The following TRIM67 variants were observed in gnomAD, a reference collection of about 807,000 sequenced individuals.
TRIM67 encodes the protein tripartite motif containing 67.
A neutral mutation model predicts 71.0 loss-of-function variants in TRIM67; 39 were observed. The ratio of observed to expected loss-of-function variants is 0.55; its 90% CI spans 0.43 to 0.72. TRIM67 has a LOEUF of 0.72. Among genes scored for constraint, TRIM67 ranks in the 30% least tolerant of loss-of-function variants. The pLI, the probability that TRIM67 is intolerant of heterozygous loss-of-function variation, is 0.00. For missense variants in TRIM67, 973 were observed against 1,079.2 expected (o/e 0.90, Z 1.38); for synonymous variants, 481 against 473.9 (o/e 1.01, Z -0.19).
At chr1:231,165,128 A>G (rs1336018076) in intron 1 of TRIM67, among the ~76,000 whole-genome samples, 3 of 152,134 alleles carry the variant, frequency 2.0e-5, no homozygotes, top group Admixed American at 6.5e-5. Context: ...GGACATTTTT[A>G]GTTATCACAC....
In TRIM67 at chr1:231,206,661, G is replaced by A. The variant is rs771442314; in HGVS notation, c.1690G>A (p.Val564Ile). 2.7e-5 allele frequency: 44 copies of A among 1,602,144 alleles called. No homozygotes were observed. Among genetic ancestry groups the A allele is most frequent in the African/African-American group, 9.4e-5 (7 of 74,482 alleles). The stretch of plus-strand genomic sequence containing the variant: ...CATTGCTCTCTTTCAGGAAGTGTAC[G>A]TCGGTAAGGAGACTTTGTGTACCAT... ...GAGGQFREVYVGKETLCTIDG... is the reference protein window; with the variant it reads ...GAGGQFREVYIGKETLCTIDG... Residue 564 changes from valine to isoleucine, a missense_variant, in exon 7 of 10, where the codon GTC becomes ATC. By Grantham distance (29) the Val-to-Ile change is conservative. Transcript: ENST00000366653.
chr1:231,173,349 C>A (rs536042092), intron 1 of TRIM67, among the ~76,000 whole-genome samples: 12 of 152,226 alleles, frequency 7.9e-5, no homozygotes, highest in African/African-American at 2.6e-4. Context: ...GGGTTCAAAA[C>A]CAGCCAGGGT....
chr1:231,208,859 G>A, intron 7 of TRIM67, 88 bp from the exon 8 acceptor site: 1 of 1,338,740 alleles, frequency 7.5e-7, no homozygotes, highest in Non-Finnish European at 1.0e-6. Context: ...TCTAACAGAA[G>A]CGAATGTGTT....
intron 8 of TRIM67, among the ~76,000 whole-genome samples, chr1:231,213,176 C>A (rs1045127157): frequency 2.0e-5 from 3 of 152,134 alleles, no homozygotes; most frequent in African/African-American, 7.2e-5. Flanking sequence ...GGAAAAGGTG[C>A]CTTTCTTACC....
At chr1:231,175,950 G>A (rs549284306) in intron 1 of TRIM67, among the ~76,000 whole-genome samples, 14 of 152,312 alleles carry the variant, frequency 9.2e-5, no homozygotes, top group African/African-American at 3.1e-4. Context: ...AAAGCAAGGA[G>A]GATCTGTATT....
intron 8 of TRIM67, among the ~76,000 whole-genome samples, chr1:231,210,425 C>T (rs1317216187): frequency 1.3e-5 from 2 of 151,756 alleles, no homozygotes; most frequent in Non-Finnish European, 2.9e-5. Context: ...ACCCCATCTG[C>T]TTGCCTCTTT....
Position 231,172,046 on chromosome 1 carries a change from C to T in TRIM67, c.1044+8033C>T, listed in dbSNP as rs144973880. ...AGGCTGTGGTGTGCTATGATTGCAG[C>T]GCTGCACTCTAGCCTGGGCAACAGA... On this transcript the variant is annotated intron_variant, in intron 1 of 9. Transcript: ENST00000366653. Among the ~76,000 whole-genome samples, 134 of 152,238 alleles carry T rather than the reference C, an allele frequency of 8.8e-4. No homozygotes were observed. The East Asian group carries it at 0.02, about 23-fold the overall frequency.
chr1:231,216,905 T>C lies in TRIM67; in HGVS notation c.*1465T>C. 1 of 985,546 alleles carries C rather than the reference T, an allele frequency of 1.0e-6. No homozygotes were observed. The highest frequency in any genetic ancestry group is 1.2e-6 in the Non-Finnish European group (1 of 829,956). The allele number at this position is 985,546 out of a possible 1,614,324, so 61.1% of individuals were successfully genotyped here. ...TGCCACCTCCAGCTCCACCTGGTAG[T>C]AACATTTCTCTCTCCTTTTAAAAAG... On this transcript the variant is annotated 3_prime_UTR_variant, in exon 10 of 10. Transcript: ENST00000366653.
At chr1:231,191,588 G>T (rs893035105) in intron 1 of TRIM67, among the ~76,000 whole-genome samples, 37 of 152,128 alleles carry the variant, frequency 2.4e-4, no homozygotes, top group African/African-American at 8.7e-4. Context: ...GGAGCGTGGG[G>T]CATCAGAAGC....
At chr1:231,200,746 G>T (rs542764925) in intron 4 of TRIM67, among the ~76,000 whole-genome samples, 5 of 152,254 alleles carry the variant, frequency 3.3e-5, no homozygotes, top group Non-Finnish European at 7.4e-5. Flanking sequence ...CTTTGTCGGT[G>T]GGGAAAATGA....
chr1:231,165,779 C>T (rs1011819914), intron 1 of TRIM67, among the ~76,000 whole-genome samples: 4 of 152,114 alleles, frequency 2.6e-5, no homozygotes, highest in African/African-American at 4.8e-5. Context: ...AGGGCTGTGA[C>T]CAATTACCAA....
intron 7 of TRIM67, among the ~76,000 whole-genome samples, chr1:231,207,782 T>C (rs1253644907): frequency 6.6e-6 from 1 of 152,190 alleles, no homozygotes; most frequent in Non-Finnish European, 1.5e-5. Context: ...TAGACTCTCC[T>C]GCCTGCCCAG....
intron 1 of TRIM67, among the ~76,000 whole-genome samples, chr1:231,165,430 CCTTAAATATAATTG>C: frequency 6.6e-6 from 1 of 152,146 alleles, no homozygotes; most frequent in East Asian, 1.9e-4. Context: ...TAGCAAAGCA[CCTTAAATATAATTG>C]ATAAATAACA....
rs1306023420 is a variant in TRIM67 at position 231,209,963 on chromosome 1, C to A, written c.2123+713C>A. ...CTGAGGCCTGGGCTTCTCTAGGGTG[C>A]CTTGGTCTCTCTCCTCAGACACAAA... On this transcript the variant is annotated intron_variant, in intron 8 of 9. Transcript: ENST00000366653. The surrounding 1 kb of genome is among the most constrained non-coding windows in gnomAD (Gnocchi z 4.1). Among the ~76,000 whole-genome samples the A allele has an allele frequency of 6.6e-6, 1 of 152,114 alleles. No individual in the cohort carries two copies.
At chr1:231,204,593 A>G (rs578028934) in intron 6 of TRIM67, among the ~76,000 whole-genome samples, 1 of 152,272 alleles carries the variant, frequency 6.6e-6, no homozygotes, top group East Asian at 1.9e-4. Flanking sequence ...GCAGGACTCC[A>G]CCCCAACCCA....
chr1:231,202,100 G>GGACGAGGAGGAAGTGGTGGCA (rs1683551060), intron 5 of TRIM67, among the ~76,000 whole-genome samples: 1 of 5,190 alleles, frequency 1.9e-4, no homozygotes, highest in Non-Finnish European at 5.3e-4. Context: ...AGATAATGGA[G>GGACGAGGAGGAAGTGGTGGCA]GAGGAGGAGG....
Position 231,202,239 on chromosome 1 carries a change from G to C in TRIM67, c.1534+722G>C, listed in dbSNP as rs939375489. Among the ~76,000 whole-genome samples the C allele has an allele frequency of 3.6e-3, 27 of 7,592 alleles. 2 individuals are homozygous for C. Among genetic ancestry groups the C allele is most frequent in the South Asian group, 0.03 (8 of 270 alleles). The allele number at this position is 7,592 out of a possible 152,430, so 5.0% of individuals were successfully genotyped here. ...GGAGGAGGAGGTAGTAGGAGAGGAG[G>C]GGGGGTAGTGGAGAAGGAGGAGGTG... On this transcript the variant is annotated intron_variant, in intron 5 of 9. Coordinates refer to ENST00000366653, the MANE Select transcript of TRIM67 (RefSeq NM_001004342.5).
intron 1 of TRIM67, among the ~76,000 whole-genome samples, chr1:231,193,549 T>TCTCC (rs1491266382): frequency 1.4e-5 from 2 of 146,118 alleles, no homozygotes; most frequent in Non-Finnish European, 3.0e-5. Flanking sequence ...TCTCTCTCTC[T>TCTCC]CCTCTTGGTG....
intron 1 of TRIM67, among the ~76,000 whole-genome samples, chr1:231,181,621 A>G (rs1444653002): frequency 6.6e-6 from 1 of 152,244 alleles, no homozygotes; most frequent in Non-Finnish European, 1.5e-5. Context: ...ATGAGAAAAA[A>G]GAAAAAAACT....
Sources: allele counts gnomAD v4.1 joint callset (sites outside exome capture counted in the v4.1 genomes callset), GRCh38; gene constraint gnomAD v4.1.1; non-coding constraint Gnocchi (gnomAD v3.1); transcripts MANE v1.5; gene names NCBI Gene and HGNC (gene_info 2026-07-23, HGNC 2026-07-21).